FRMD5: variants seen among roughly 807,000 people sequenced by gnomAD.
FRMD5 encodes FERM domain-containing protein 5.
FRMD5 carries 20 observed loss-of-function variants against 69.0 expected under a neutral mutation model. That is an observed-to-expected ratio of 0.29 (90% confidence interval 0.20 to 0.42). FRMD5 has a LOEUF of 0.42. Ranked by LOEUF, FRMD5 falls within the 10% of genes least tolerant of loss-of-function variation. The pLI is 1.00. For missense variants in FRMD5, 595 were observed against 708.6 expected, an observed-to-expected ratio of 0.84 and a Z score of 1.82; for synonymous variants, 271 against 260.1, an observed-to-expected ratio of 1.04 and a Z score of -0.40.
intron 1 of FRMD5, among the ~76,000 whole-genome samples, chr15:44,161,950 A>G (rs973289621): frequency 1.3e-5 from 2 of 152,138 alleles, no homozygotes; most frequent in African/African-American, 2.4e-5. Flanking sequence ...TTGAAAGGTT[A>G]TAAGAAACTC....
intron 13 of FRMD5, chr15:43,879,757 G>A (rs1258169635): frequency 5.0e-6 from 2 of 398,146 alleles, no homozygotes; most frequent in Non-Finnish European, 8.9e-6. Context: ...ATACAGAGAG[G>A]CAAAGATGGA....
At chr15:44,119,849 T>C (rs894479991) in intron 1 of FRMD5, among the ~76,000 whole-genome samples, 5 of 151,912 alleles carry the variant, frequency 3.3e-5, no homozygotes, top group Non-Finnish European at 4.4e-5. Flanking sequence ...GTTTTATTCA[T>C]TACTATTTCC....
chr15:44,196,451 G>T (rs551186384), upstream of FRMD5, among the ~76,000 whole-genome samples: 1 of 151,262 alleles, frequency 6.6e-6, no homozygotes, highest in South Asian at 2.1e-4. Context: ...GGGGACAAGA[G>T]CAAGCCACCG....
At chr15:43,934,639 T>C (rs2089728599) in intron 1 of FRMD5, among the ~76,000 whole-genome samples, 1 of 152,208 alleles carries the variant, frequency 6.6e-6, no homozygotes, top group Non-Finnish European at 1.5e-5. Flanking sequence ...TGTGAAACTA[T>C]TATCCTGCTA....
At position 43,958,686 on chromosome 15, in the gene FRMD5, C is replaced by T. The variant is rs552276080; in HGVS notation, c.103-34377G>A. Reference sequence around the variant, plus strand: ...TGGACTCAAGCAATCTGCTCACCTCCGCTGGGAGACCTTGGCCTCTCAAAG... The same window carrying T: ...TGGACTCAAGCAATCTGCTCACCTCTGCTGGGAGACCTTGGCCTCTCAAAG... On this transcript the variant is annotated intron_variant, in intron 1 of 13. Transcript: ENST00000417257. Among the ~76,000 whole-genome samples the T allele has an allele frequency of 5.9e-5, 9 of 152,288 alleles. No individual in the cohort carries two copies. In the South Asian group the frequency reaches 6.2e-4, roughly 11 times the overall value.
chr15:43,902,528 A>G (rs2089071805), intron 6 of FRMD5, among the ~76,000 whole-genome samples: 1 of 151,992 alleles, frequency 6.6e-6, no homozygotes, highest in South Asian at 2.1e-4. Context: ...TGGCAGCACC[A>G]TCTTAACTCT....
At chr15:43,875,652 A>C (rs2088322655) in intron 13 of FRMD5, among the ~76,000 whole-genome samples, 1 of 151,080 alleles carries the variant, frequency 6.6e-6, no homozygotes, top group Non-Finnish European at 1.5e-5. Flanking sequence ...TAATTTTTTT[A>C]TTTTGAGTAG....
chr15:44,135,738 T>C (rs1326262707), intron 1 of FRMD5, among the ~76,000 whole-genome samples: 1 of 150,722 alleles, frequency 6.6e-6, no homozygotes, highest in African/African-American at 2.5e-5. Context: ...GGCAGGAGAA[T>C]TGCTTGAATC....
intron 1 of FRMD5, among the ~76,000 whole-genome samples, chr15:44,110,837 T>C (rs1460240429): frequency 6.6e-6 from 1 of 152,210 alleles, no homozygotes; most frequent in Non-Finnish European, 1.5e-5. Flanking sequence ...GATAATAGTG[T>C]GAGAAATTAA....
chr15:43,875,709 C>T, intron 13 of FRMD5: 1 of 463,214 alleles, frequency 2.2e-6, no homozygotes. Flanking sequence ...AACTCCTGGC[C>T]TCCCAAAGTG....
chr15:43,958,454 T>G (rs1031158932), intron 1 of FRMD5, among the ~76,000 whole-genome samples: 1 of 152,220 alleles, frequency 6.6e-6, no homozygotes, highest in East Asian at 1.9e-4. Flanking sequence ...AAACAAGGTC[T>G]CACTCTGTCG....
intron 1 of FRMD5, among the ~76,000 whole-genome samples, chr15:44,055,683 G>A (rs1566923430): frequency 6.6e-6 from 1 of 152,174 alleles, no homozygotes; most frequent in South Asian, 2.1e-4. Context: ...AGTAGCTGTG[G>A]TGCTCTGTGG....
intron 1 of FRMD5, among the ~76,000 whole-genome samples, chr15:44,177,789 C>T (rs1025711591): frequency 1.3e-5 from 2 of 152,016 alleles, no homozygotes; most frequent in African/African-American, 4.8e-5. Flanking sequence ...TGTATGATTC[C>T]ATTTATAACA....
intron 7 of FRMD5, among the ~76,000 whole-genome samples, chr15:43,896,369 T>C (rs2088911695): frequency 6.6e-6 from 1 of 152,218 alleles, no homozygotes; most frequent in Admixed American, 6.5e-5. Context: ...CAATAATATA[T>C]ACCTGGAGAA....
At chr15:43,877,138 G>A (rs2088384727) in intron 13 of FRMD5, among the ~76,000 whole-genome samples, 1 of 152,134 alleles carries the variant, frequency 6.6e-6, no homozygotes, top group Admixed American at 6.5e-5. Context: ...TCCACTCCTG[G>A]CCATCTTGGT....
intron 1 of FRMD5, among the ~76,000 whole-genome samples, chr15:44,075,450 TAA>T (rs1230303437): frequency 2.6e-5 from 4 of 151,906 alleles, no homozygotes; most frequent in Admixed American, 1.3e-4. Context: ...TTTCCATCAT[TAA>T]AAAAAAGTTT....
intron 1 of FRMD5, among the ~76,000 whole-genome samples, chr15:44,032,682 T>C (rs1056239249): frequency 1.3e-5 from 2 of 152,108 alleles, no homozygotes; most frequent in African/African-American, 4.8e-5. Context: ...GAAAGGCTAT[T>C]ATTAAAAAGT....
At chr15:43,914,357 T>C (rs900293816) in intron 4 of FRMD5, among the ~76,000 whole-genome samples, 1 of 152,220 alleles carries the variant, frequency 6.6e-6, no homozygotes, top group Non-Finnish European at 1.5e-5. Flanking sequence ...ACTATAATTA[T>C]GTTTAGTACG....
chr15:43,967,814 T>C (rs972273780), intron 1 of FRMD5, among the ~76,000 whole-genome samples: 1 of 152,062 alleles, frequency 6.6e-6, no homozygotes. Context: ...GCAGGTTATA[T>C]AGGTATACAT....
Sources: gnomAD v4.1 joint callset for allele counts (sites outside exome capture counted in the v4.1 genomes callset) on GRCh38, gnomAD v4.1.1 for gene constraint, MANE v1.5 for transcripts, NCBI Gene and HGNC (gene_info 2026-07-23, HGNC 2026-07-21) for gene names.